The following FRMD5 variants were observed in gnomAD, a reference collection of about 807,000 sequenced individuals.
FRMD5 encodes FERM domain containing 5, also known as FERM domain-containing protein 5.
Under a neutral mutation model 69.0 loss-of-function variants are expected in FRMD5, and 20 were observed. The ratio of observed to expected loss-of-function variants is 0.29; its 90% CI spans 0.20 to 0.42. The LOEUF is 0.42. Among genes scored for constraint, FRMD5 ranks in the 10% least tolerant of loss-of-function variants. FRMD5 has a pLI of 1.00. For missense variants in FRMD5, 595 were observed against 708.6 expected (o/e 0.84, Z 1.82); for synonymous variants, 271 against 260.1 (o/e 1.04, Z -0.40).
At chr15:44,195,359 G>C, upstream of FRMD5, 1 of 436,886 alleles carries the variant, frequency 2.3e-6, no homozygotes, top group South Asian at 3.0e-5. Context: ...CGGCGGAACC[G>C]AGTGGCAGAC....
intron 1 of FRMD5, among the ~76,000 whole-genome samples, chr15:44,082,203 G>C (rs954398713): frequency 1.3e-5 from 2 of 151,820 alleles, no homozygotes; most frequent in Non-Finnish European, 2.9e-5. Flanking sequence ...GCTCATATCG[G>C]AACACAGAGG....
At chr15:44,087,978 T>C (rs550782695) in intron 1 of FRMD5, among the ~76,000 whole-genome samples, 4 of 152,298 alleles carry the variant, frequency 2.6e-5, no homozygotes, top group East Asian at 1.9e-4. Flanking sequence ...GAGAATTCTG[T>C]CCTGGACTTA....
At chr15:44,148,487 G>C (rs994068432) in intron 1 of FRMD5, among the ~76,000 whole-genome samples, 6 of 152,114 alleles carry the variant, frequency 3.9e-5, no homozygotes, top group African/African-American at 1.2e-4. Flanking sequence ...TAGCCAGGAT[G>C]GTCTCTATCT....
At chr15:43,929,279 C>G (rs956247137) in intron 1 of FRMD5, among the ~76,000 whole-genome samples, 4 of 152,178 alleles carry the variant, frequency 2.6e-5, no homozygotes, top group African/African-American at 7.2e-5. Flanking sequence ...ATTGCATTTT[C>G]TGTCTCATCA....
At chr15:43,968,482 T>G (rs542890834) in intron 1 of FRMD5, among the ~76,000 whole-genome samples, 1 of 152,062 alleles carries the variant, frequency 6.6e-6, no homozygotes, top group Admixed American at 6.6e-5. Flanking sequence ...TTTTTCAAGC[T>G]ACCTCTGAAA....
At chr15:44,046,208 A>G (rs1181502665) in intron 1 of FRMD5, among the ~76,000 whole-genome samples, 2 of 152,166 alleles carry the variant, frequency 1.3e-5, no homozygotes, top group Non-Finnish European at 2.9e-5. Flanking sequence ...AATATTCCCC[A>G]AAGAAAAAGA....
At chr15:44,019,361 T>C (rs1030865861) in intron 1 of FRMD5, among the ~76,000 whole-genome samples, 1 of 151,722 alleles carries the variant, frequency 6.6e-6, no homozygotes, top group Admixed American at 6.6e-5. Flanking sequence ...TCATCCAAGA[T>C]GCCCTGGAAA....
chr15:43,884,549 C>G (rs527413850), intron 12 of FRMD5, among the ~76,000 whole-genome samples, 178 bp downstream of exon 12: 1 of 152,300 alleles, frequency 6.6e-6, no homozygotes, highest in African/African-American at 2.4e-5. Flanking sequence ...CTCCCCAGCT[C>G]TCTTATTAAG....
intron 1 of FRMD5, among the ~76,000 whole-genome samples, chr15:44,121,307 G>T (rs2076947433): frequency 6.6e-6 from 1 of 151,714 alleles, no homozygotes; most frequent in African/African-American, 2.4e-5. Flanking sequence ...TTCAGTGGAT[G>T]TGAAGGGAAT....
rs1009882004 is a variant in FRMD5, at chr15:43,961,333, A to G, written c.103-37024T>C. On this transcript the variant is annotated intron_variant, in intron 1 of 13. Coordinates refer to ENST00000417257, the MANE Select transcript of FRMD5 (RefSeq NM_032892.5). ...AATGGAGAAATTCCTCGACACATACACTCTCCCAAGACTAAACCAGGAAGA... is the reference window on the plus strand; with the variant it reads ...AATGGAGAAATTCCTCGACACATACGCTCTCCCAAGACTAAACCAGGAAGA... 4.6e-5 allele frequency among the ~76,000 whole-genome samples: 7 copies of G among 152,136 alleles called. No homozygotes were observed. In the East Asian group the frequency reaches 1.3e-3, roughly 29 times the overall value.
intron 1 of FRMD5, among the ~76,000 whole-genome samples, chr15:44,188,755 A>C (rs1466090200): frequency 6.6e-6 from 1 of 152,138 alleles, no homozygotes; most frequent in East Asian, 1.9e-4. Flanking sequence ...CAAATGAGGC[A>C]TAAGAATAGC....
chr15:43,983,271 T>C (rs777129215), intron 1 of FRMD5, among the ~76,000 whole-genome samples: 1 of 152,168 alleles, frequency 6.6e-6, no homozygotes, highest in Non-Finnish European at 1.5e-5. Context: ...CCCTTCTCTT[T>C]ACTCTGAGAT....
chr15:43,919,274 G>A (rs775295307), intron 4 of FRMD5, 185 bp downstream of exon 4: 6 of 751,724 alleles, frequency 8.0e-6, no homozygotes, highest in African/African-American at 5.1e-5. Flanking sequence ...ACTCTGTTGC[G>A]ACTGCACTGA....
intron 1 of FRMD5, among the ~76,000 whole-genome samples, chr15:44,035,390 C>T (rs186687356): frequency 1.3e-5 from 2 of 152,300 alleles, no homozygotes; most frequent in African/African-American, 4.8e-5. Context: ...AGAACATTCT[C>T]CTAAGTGTTA....
intron 2 of FRMD5, 101 bp downstream of exon 2, chr15:43,924,104 C>T: frequency 2.1e-6 from 2 of 932,388 alleles, no homozygotes; most frequent in Non-Finnish European, 3.5e-6. Flanking sequence ...TCTGGTTGGT[C>T]CCTGATTCCT....
At chr15:44,118,419 C>G (rs574678652) in intron 1 of FRMD5, among the ~76,000 whole-genome samples, 80 of 152,256 alleles carry the variant, frequency 5.3e-4, no homozygotes, top group Non-Finnish European at 9.7e-4. Context: ...GTGGTCTCCT[C>G]CTCTGACCAC....
chr15:43,967,089 G>A (rs1415695345), intron 1 of FRMD5, among the ~76,000 whole-genome samples: 1 of 152,016 alleles, frequency 6.6e-6, no homozygotes, highest in Non-Finnish European at 1.5e-5. Flanking sequence ...GGAAAATAAA[G>A]CACAAATAAC....
chr15:44,021,927 T>C (rs569527343), intron 1 of FRMD5, among the ~76,000 whole-genome samples: 25 of 152,294 alleles, frequency 1.6e-4, no homozygotes, highest in Admixed American at 5.9e-4. Flanking sequence ...AAATGTAGTA[T>C]GTAAATACAA....
At position 43,880,473 on chromosome 15, in the gene FRMD5, C is replaced by T. The variant is rs145537336; in HGVS notation, c.1135+3230G>A. Among the ~76,000 whole-genome samples the T allele has an allele frequency of 1.9e-3, 288 of 152,288 alleles. 2 individuals carry two copies. Among genetic ancestry groups the T allele is most frequent in the African/African-American group, 6.7e-3 (278 of 41,570 alleles). Reference sequence around the variant, plus strand: ...AGACGTTGCACCTGAACTCTCGCCTCCTGGAAACTAACCCATTCTTTACTT... The same window carrying T: ...AGACGTTGCACCTGAACTCTCGCCTTCTGGAAACTAACCCATTCTTTACTT... On this transcript the variant is annotated intron_variant, in intron 13 of 13. Transcript: ENST00000417257.
Sources: allele counts gnomAD v4.1 joint callset (sites outside exome capture counted in the v4.1 genomes callset), GRCh38; gene constraint gnomAD v4.1.1; transcripts MANE v1.5; gene names NCBI Gene and HGNC (gene_info 2026-07-23, HGNC 2026-07-21).